SH2B3: variants seen among roughly 807,000 people sequenced by gnomAD.
The protein encoded by SH2B3 is SH2B adapter protein 3.
A neutral mutation model predicts 51.9 loss-of-function variants in SH2B3; 43 were observed. The observed-to-expected ratio is 0.83, with a 90% CI of 0.65 to 1.07. The LOEUF (loss-of-function observed/expected upper bound fraction) is 1.07. Ranked by LOEUF, SH2B3 falls within the 50% of genes least tolerant of loss-of-function variation. SH2B3 has a pLI of 0.00. For missense variants in SH2B3, 952 were observed against 834.3 expected, an observed-to-expected ratio of 1.14 and a Z score of -1.74; for synonymous variants, 396 against 376.0, an observed-to-expected ratio of 1.05 and a Z score of -0.62.
chr12:111,405,621 C>T (rs979673594), upstream of SH2B3, among the ~76,000 whole-genome samples: 4 of 152,192 alleles, frequency 2.6e-5, no homozygotes, highest in African/African-American at 9.6e-5. This position sits in a 1 kb window ranked among gnomAD's most constrained non-coding sequence, Gnocchi z 5.4. Context: ...CCCCTCCGAT[C>T]CTCACTTCTA....
Position 111,406,712 on chromosome 12 carries a change from G to C in SH2B3, c.-28+435G>C, listed in dbSNP as rs888741365. On this transcript the variant is annotated intron_variant, in intron 1 of 7. Coordinates refer to ENST00000341259, the MANE Select transcript of SH2B3 (RefSeq NM_005475.3). This position sits in a 1 kb window ranked among gnomAD's most constrained non-coding sequence, Gnocchi z 5.7. ...AGCCCTTGGGTGTGGGGGCAGCGGG[G>C]GAGGATGCGCCGGCCCCTCCCCACT... is the stretch of plus-strand genomic sequence containing the variant. Among the ~76,000 whole-genome samples the C allele has an allele frequency of 4.6e-5, 7 of 152,178 alleles. No individual in the cohort carries two copies. The highest frequency in any genetic ancestry group is 4.4e-5 in the Non-Finnish European group (3 of 68,022).
At chr12:111,417,972 G>A (rs1049032375) in intron 1 of SH2B3, 147 bp from the exon 2 acceptor site, 34 of 564,924 alleles carry the variant, frequency 6.0e-5, no homozygotes, top group South Asian at 4.1e-4. Flanking sequence ...CACTTGGTAG[G>A]GGAGTGCATG....
intron 2 of SH2B3, among the ~76,000 whole-genome samples, chr12:111,423,574 G>A (rs1290069558): frequency 6.6e-6 from 1 of 152,118 alleles, no homozygotes. Flanking sequence ...GTTTCACCGT[G>A]TTAGCCCGGA....
Position 111,438,101 on chromosome 12 carries a change from G to A in SH2B3, c.733-8652G>A, listed in dbSNP as rs1042283352. Among the ~76,000 whole-genome samples the A allele has an allele frequency of 4.6e-5, 7 of 152,204 alleles. No homozygotes were observed. The highest frequency in any genetic ancestry group is 2.1e-4 in the South Asian group (1 of 4,832). ...TCAGAGAAGGCTCCCTGGAGGAGAG[G>A]AGGTTTTCTCTGCTGGGACATGCAG... On this transcript the variant is annotated intron_variant, in intron 2 of 7. Coordinates refer to ENST00000341259, the MANE Select transcript of SH2B3 (RefSeq NM_005475.3). The surrounding 1 kb of genome is among the most constrained non-coding windows in gnomAD (Gnocchi z 4.2).
intron 2 of SH2B3, among the ~76,000 whole-genome samples, chr12:111,423,240 A>G (rs2135556892): frequency 6.6e-6 from 1 of 152,354 alleles, no homozygotes; most frequent in Middle Eastern, 3.4e-3. Context: ...GCTGTTGGGA[A>G]AACGCAAGCA....
rs1565981422 is a variant in SH2B3, at chr12:111,435,512, C to A, written c.733-11241C>A. Reference sequence around the variant, plus strand: ...AGTAGCTGGGACTACACATGCACCACCACGCCTGGCTAATTTTTGAATTTT... The same window carrying A: ...AGTAGCTGGGACTACACATGCACCAACACGCCTGGCTAATTTTTGAATTTT... On this transcript the variant is annotated intron_variant, in intron 2 of 7. Coordinates refer to ENST00000341259, the MANE Select transcript of SH2B3 (RefSeq NM_005475.3). The surrounding 1 kb of genome is among the most constrained non-coding windows in gnomAD (Gnocchi z 4.8). 6.6e-6 allele frequency among the ~76,000 whole-genome samples: 1 copy of A among 152,248 alleles called. No homozygotes were observed. The highest frequency in any genetic ancestry group is 2.1e-4 in the South Asian group (1 of 4,838).
chr12:111,420,918 C>T (rs1446949884), intron 2 of SH2B3, among the ~76,000 whole-genome samples: 1 of 152,104 alleles, frequency 6.6e-6, no homozygotes, highest in Non-Finnish European at 1.5e-5. Flanking sequence ...CTGACTGTGG[C>T]GTAACATGCA....
At position 111,410,396 on chromosome 12, in the gene SH2B3, T is replaced by G. The variant is rs1356847069; in HGVS notation, c.-28+4119T>G. On this transcript the variant is annotated intron_variant, in intron 1 of 7. Transcript: ENST00000341259. The surrounding 1 kb of genome is among the most constrained non-coding windows in gnomAD (Gnocchi z 4.9). ...GTGGGGAGGAGGTTCACCCACAGGC[T>G]GCCCTCCTAGGGTCTCCCCTGTCTG... Among the ~76,000 whole-genome samples, 1 of 152,098 alleles carries G rather than the reference T, an allele frequency of 6.6e-6. No individual in the cohort carries two copies. The highest frequency in any genetic ancestry group is 2.4e-5 in the African/African-American group (1 of 41,422).
chr12:111,411,729 C>G (rs1264226377), intron 1 of SH2B3, among the ~76,000 whole-genome samples: 1 of 152,158 alleles, frequency 6.6e-6, no homozygotes, highest in Non-Finnish European at 1.5e-5. Flanking sequence ...TCCTGAGATG[C>G]AGACACCCCC....
At position 111,409,694 on chromosome 12, in the gene SH2B3, C is replaced by T. The variant is rs1298831954; in HGVS notation, c.-28+3417C>T. Among the ~76,000 whole-genome samples, 3 of 152,186 alleles carry T rather than the reference C, an allele frequency of 2.0e-5. No individual in the cohort carries two copies. The highest frequency in any genetic ancestry group is 6.5e-5 in the Admixed American group (1 of 15,278). ...TCCCCAGCTTCCCGGGGCTTGAGAT[C>T]CCTTGGAGACTGAGCAGGTCCTGAG... On this transcript the variant is annotated intron_variant, in intron 1 of 7. Transcript: ENST00000341259. The surrounding 1 kb of genome is among the most constrained non-coding windows in gnomAD (Gnocchi z 4.0).
At position 111,435,074 on chromosome 12, in the gene SH2B3, G is replaced by A. The variant is rs1296179878; in HGVS notation, c.733-11679G>A. 6.8e-7 allele frequency: 1 copy of A among 1,461,248 alleles called. No individual in the cohort carries two copies. The highest frequency in any genetic ancestry group is 9.2e-7 in the Non-Finnish European group (1 of 1,081,122). The allele number at this position is 1,461,248 out of a possible 1,614,324, so 90.5% of individuals were successfully genotyped here. The stretch of plus-strand genomic sequence containing the variant: ...CTGGGGCTTTGGGGATCTTGGTGGT[G>A]ATGAGTCCCCTCTCCTCTGGTGCAC... On this transcript the variant is annotated intron_variant, in intron 2 of 7. Coordinates refer to ENST00000341259, the MANE Select transcript of SH2B3 (RefSeq NM_005475.3). This position sits in a 1 kb window ranked among gnomAD's most constrained non-coding sequence, Gnocchi z 4.8.
chr12:111,432,313 A>T (rs1872557767), intron 2 of SH2B3, among the ~76,000 whole-genome samples: 1 of 151,940 alleles, frequency 6.6e-6, no homozygotes, highest in East Asian at 1.9e-4. Context: ...CAGCCTCCCA[A>T]AGTGCTGGGA....
chr12:111,421,699 G>A (rs1172685246), intron 2 of SH2B3, among the ~76,000 whole-genome samples: 1 of 152,150 alleles, frequency 6.6e-6, no homozygotes, highest in African/African-American at 2.4e-5. Context: ...TTACTGGCAT[G>A]AGCCACCACG....
In SH2B3 at chr12:111,438,543, C is replaced by G. The variant is rs755849203; in HGVS notation, c.733-8210C>G. ...CCCCTATGCCCCCCGTTACCCAGCA[C>G]AAAGGATGCTTAGCCAGCAAAAGGC... On this transcript the variant is annotated intron_variant, in intron 2 of 7. Transcript: ENST00000341259. This position sits in a 1 kb window ranked among gnomAD's most constrained non-coding sequence, Gnocchi z 4.2. Among the ~76,000 whole-genome samples the G allele has an allele frequency of 6.6e-6, 1 of 152,202 alleles. No homozygotes were observed. The highest frequency in any genetic ancestry group is 1.5e-5 in the Non-Finnish European group (1 of 68,034).
Position 111,448,355 on chromosome 12 carries a change from G to C in SH2B3, c.*53G>C. 1 of 1,240,782 alleles carries C rather than the reference G, an allele frequency of 8.1e-7. No homozygotes were observed. The highest frequency in any genetic ancestry group is 2.4e-5 in the East Asian group (1 of 40,996). 76.9% of individuals were successfully genotyped at this position (1,240,782 alleles called of 1,614,324 possible). ...CTGCCCTTGAGGAGCACAGGCAGAA[G>C]TGTGAACTTGTGAATGTAATTGATC... On this transcript the variant is annotated 3_prime_UTR_variant, in exon 8 of 8. Transcript: ENST00000341259.
At position 111,448,455 on chromosome 12, in the gene SH2B3, A is replaced by G; in HGVS notation, c.*153A>G. ...CCAGTTTGGAAGTGACCCTTCTATT[A>G]GGCCTGTTGAAGGGCCCTCCTGTAG... On this transcript the variant is annotated 3_prime_UTR_variant, in exon 8 of 8. Transcript: ENST00000341259. 3 of 640,362 alleles carry G rather than the reference A, an allele frequency of 4.7e-6. No homozygotes were observed. The highest frequency in any genetic ancestry group is 5.5e-5 in the East Asian group (2 of 36,298). 39.7% of individuals were successfully genotyped at this position (640,362 alleles called of 1,614,324 possible). A position where few individuals can be genotyped will look rare whatever the true frequency, so the allele number is the denominator to read the frequency against.
chr12:111,446,883 G>A, intron 3 of SH2B3, 29 bp downstream of exon 3: 1 of 1,605,288 alleles, frequency 6.2e-7, no homozygotes, highest in Middle Eastern at 1.7e-4. Context: ...CACACCCTGG[G>A]GCAATACAAA....
chr12:111,412,457 G>A (rs1404549253), intron 1 of SH2B3, among the ~76,000 whole-genome samples: 1 of 152,226 alleles, frequency 6.6e-6, no homozygotes, highest in Non-Finnish European at 1.5e-5. Flanking sequence ...CCCCCCTGTG[G>A]CTTCCCATGG....
In SH2B3 at chr12:111,429,508, A is replaced by G. The variant is rs533240080; in HGVS notation, c.732+10631A>G. Among the ~76,000 whole-genome samples the G allele has an allele frequency of 6.6e-6, 1 of 152,118 alleles. No individual in the cohort carries two copies. The highest frequency in any genetic ancestry group is 1.5e-5 in the Non-Finnish European group (1 of 68,002). ...CACCACACTCCGCTAATTTTTCTGT[A>G]TTATTAGTAGAGACGCGGTTTCGCC... On this transcript the variant is annotated intron_variant, in intron 2 of 7. Coordinates refer to ENST00000341259, the MANE Select transcript of SH2B3 (RefSeq NM_005475.3). The surrounding 1 kb of genome is among the most constrained non-coding windows in gnomAD (Gnocchi z 4.4).
Sources: gnomAD v4.1 joint callset for allele counts (sites outside exome capture counted in the v4.1 genomes callset) on GRCh38, gnomAD v4.1.1 for gene constraint, Gnocchi (gnomAD v3.1) non-coding constraint, MANE v1.5 for transcripts, NCBI Gene and HGNC (gene_info 2026-07-23, HGNC 2026-07-21) for gene names.